Variants in NEBL observed in about 807,000 individuals in gnomAD.
The protein encoded by NEBL is LIM and SH3 protein 2.
A neutral mutation model predicts 140.2 loss-of-function variants in NEBL; 122 were observed. The ratio of observed to expected loss-of-function variants is 0.87; its 90% confidence interval spans 0.75 to 1.01. NEBL has a LOEUF of 1.01. Among genes scored for constraint, NEBL ranks in the 50% least tolerant of loss-of-function variants. The pLI, the probability that NEBL is intolerant of heterozygous loss-of-function variation, is 0.00. For missense variants in NEBL, 1,365 were observed against 1,231.3 expected (o/e 1.11, Z -1.62); for synonymous variants, 436 against 398.9 (o/e 1.09, Z -1.11).
chr10:21,101,279 C>A (rs1473087880), intron 2 of NEBL, among the ~76,000 whole-genome samples: 1 of 152,228 alleles, frequency 6.6e-6, no homozygotes, highest in Non-Finnish European at 1.5e-5. Context: ...GCTAAGGCTG[C>A]TAGGCAGCCT....
intron 26 of NEBL, among the ~76,000 whole-genome samples, chr10:20,791,542 T>TA (rs1835978172): frequency 6.6e-6 from 1 of 151,916 alleles, no homozygotes; most frequent in African/African-American, 2.4e-5. Context: ...TAGCTGGACA[T>TA]ACGCCACCAT....
chr10:21,029,914 T>G (rs528548420), intron 2 of NEBL: 6 of 609,758 alleles, frequency 9.8e-6, no homozygotes, highest in Non-Finnish European at 1.8e-5. Flanking sequence ...ATACAACAGA[T>G]GGGATGATGG....
chr10:20,836,957 TTG>T (rs1467236243), intron 13 of NEBL, among the ~76,000 whole-genome samples: 1 of 152,076 alleles, frequency 6.6e-6, no homozygotes, highest in Non-Finnish European at 1.5e-5. Flanking sequence ...TCGAGAAATG[TTG>T]TGTGTGTTCT....
chr10:20,974,043 G>T (rs113590560), intron 3 of NEBL, among the ~76,000 whole-genome samples: 2 of 152,030 alleles, frequency 1.3e-5, no homozygotes, highest in African/African-American at 4.8e-5. Context: ...TATCACTTGT[G>T]ACCAAGAATT....
chr10:20,786,691 G>GT (rs1473771480), intron 27 of NEBL, among the ~76,000 whole-genome samples: 2 of 152,210 alleles, frequency 1.3e-5, no homozygotes, highest in African/African-American at 4.8e-5. Flanking sequence ...TTGAGGGCTT[G>GT]TAGAAGAAAT....
intron 4 of NEBL, among the ~76,000 whole-genome samples, chr10:20,928,730 C>T (rs1465029312): frequency 2.0e-5 from 3 of 152,210 alleles, no homozygotes; most frequent in African/African-American, 7.2e-5. Context: ...TTCTCTAGAA[C>T]TTTGCTCCTG....
rs71578969 is a variant in NEBL, at chr10:20,809,746, C to T, written c.2611+60G>A. 4,741 of 1,289,542 alleles carry T rather than the reference C, an allele frequency of 3.7e-3. 122 individuals are homozygous for T. The East Asian group carries it at 0.072, about 20-fold the overall frequency. The allele number at this position is 1,289,542 out of a possible 1,614,324, so 79.9% of individuals were successfully genotyped here. A position where few individuals can be genotyped will look rare whatever the true frequency, so the allele number is the denominator to read the frequency against. On this transcript the variant is annotated intron_variant, in intron 25 of 27. Coordinates refer to ENST00000377122, the MANE Select transcript of NEBL (RefSeq NM_006393.3). The stretch of plus-strand genomic sequence containing the variant: ...CAGTACAATGAACCTCTACAGTTCA[C>T]AGTGGTTCACTTTTGGGACAAAACC...
intron 9 of NEBL, among the ~76,000 whole-genome samples, chr10:20,856,937 T>A (rs758023314): frequency 3.9e-5 from 6 of 152,146 alleles, no homozygotes; most frequent in Non-Finnish European, 7.4e-5. Flanking sequence ...TAAATGATTC[T>A]CCTGCCTCAG....
intron 3 of NEBL, among the ~76,000 whole-genome samples, chr10:21,019,943 G>A (rs377285662): frequency 6.6e-6 from 1 of 152,134 alleles, no homozygotes; most frequent in Non-Finnish European, 1.5e-5. Flanking sequence ...ATTCAAGACC[G>A]GGAACAGTAC....
chr10:21,289,735 A>C (rs559484147), intron 1 of NEBL, among the ~76,000 whole-genome samples: 1 of 152,344 alleles, frequency 6.6e-6, no homozygotes, highest in South Asian at 2.1e-4. Context: ...CCCTTCAATT[A>C]TGCAGTTCAC....
At chr10:21,157,690 T>C (rs1840388465) in intron 2 of NEBL, among the ~76,000 whole-genome samples, 1 of 152,194 alleles carries the variant, frequency 6.6e-6, no homozygotes, top group Non-Finnish European at 1.5e-5. Flanking sequence ...CTGCTTGACT[T>C]TTCTTAGTGA....
intron 2 of NEBL, among the ~76,000 whole-genome samples, chr10:21,144,718 C>T (rs1839810015): frequency 6.6e-6 from 1 of 151,664 alleles, no homozygotes; most frequent in African/African-American, 2.4e-5. Context: ...CAGAGTGAGA[C>T]TCTGTCTCAA....
At chr10:20,974,610 G>A (rs1486233737) in intron 3 of NEBL, among the ~76,000 whole-genome samples, 2 of 152,142 alleles carry the variant, frequency 1.3e-5, no homozygotes, top group African/African-American at 4.8e-5. Flanking sequence ...TCTAAACAAT[G>A]TAAACAAGAT....
At position 20,856,422 on chromosome 10, in the gene NEBL, T is replaced by G. The variant is rs960248818; in HGVS notation, c.903+1818A>C. Among the ~76,000 whole-genome samples, 3 of 152,212 alleles carry G rather than the reference T, an allele frequency of 2.0e-5. No individual in the cohort carries two copies. In the South Asian group the frequency reaches 6.2e-4, roughly 32 times the overall value. ...ATATTTTTATTGGCTTATTTACACA[T>G]GAATCCCCATGTCCCTAGGAAATTG... On this transcript the variant is annotated intron_variant, in intron 9 of 27. Coordinates refer to ENST00000377122, the MANE Select transcript of NEBL (RefSeq NM_006393.3).
At chr10:20,796,367 G>GAAAAAAAAAAAAAAA in intron 26 of NEBL, among the ~76,000 whole-genome samples, 1 of 51,500 alleles carries the variant, frequency 1.9e-5, no homozygotes, top group Non-Finnish European at 3.7e-5. Flanking sequence ...TCTAAAACAA[G>GAAAAAAAAAAAAAAA]AAAAAAAAAA....
At chr10:21,114,112 A>C (rs1026213252) in intron 2 of NEBL, among the ~76,000 whole-genome samples, 1 of 151,946 alleles carries the variant, frequency 6.6e-6, no homozygotes, top group Admixed American at 6.6e-5. Context: ...TGTGGGTTTT[A>C]ATATGTTGTT....
In NEBL at chr10:21,271,665, A is replaced by G. The variant is rs149266578; in HGVS notation, n.183-19837T>C. 1.1e-3 allele frequency among the ~76,000 whole-genome samples: 161 copies of G among 152,036 alleles called. 3 individuals are homozygous for G. The East Asian group carries it at 0.025, about 24-fold the overall frequency. ...CTCAACCTCCTGAGCAGCTGGGACAATGGGCACCCGCCACCACGCCTGGCT... is the reference window on the plus strand; with the variant it reads ...CTCAACCTCCTGAGCAGCTGGGACAGTGGGCACCCGCCACCACGCCTGGCT... On this transcript the variant is annotated intron_variant and non_coding_transcript_variant, in intron 1 of 8. Transcript: ENST00000675702.
At chr10:21,049,578 C>T (rs1834676423) in intron 2 of NEBL, among the ~76,000 whole-genome samples, 1 of 152,160 alleles carries the variant, frequency 6.6e-6, no homozygotes, top group Non-Finnish European at 1.5e-5. Flanking sequence ...TTGAAATCTT[C>T]TCATTCCTAG....
Position 21,063,670 on chromosome 10 carries a change from G to T in NEBL, c.165-43469C>A, listed in dbSNP as rs561473829. Among the ~76,000 whole-genome samples, 143 of 152,194 alleles carry T rather than the reference G, an allele frequency of 9.4e-4. No homozygotes were observed. The Middle Eastern group carries it at 0.014, about 14-fold the overall frequency. ...GCACTTTGGGAGGCAGAGGCAGGCA[G>T]ATCTCTTGAGTTGAGGAGTCTGAGA... On this transcript the variant is annotated intron_variant, in intron 2 of 6. Transcript: ENST00000417816.
Sources: allele counts gnomAD v4.1 joint callset (sites outside exome capture counted in the v4.1 genomes callset), GRCh38; gene constraint gnomAD v4.1.1; transcripts MANE v1.5; gene names NCBI Gene and HGNC (gene_info 2026-07-23, HGNC 2026-07-21).